The following ZNF280C variants were observed in gnomAD, a reference collection of about 807,000 sequenced individuals.
The protein encoded by ZNF280C is zinc finger protein 280C, also known as suppressor of hairy wing homolog 3.
In ZNF280C, 14 loss-of-function variants were observed where a neutral mutation model predicts 53.6. That is an observed-to-expected ratio of 0.26 (90% CI 0.17 to 0.41). ZNF280C has a LOEUF of 0.41. ZNF280C is among the 10% of genes least tolerant of loss of function. ZNF280C has a pLI of 1.00. For synonymous variants in ZNF280C, 203 were observed against 181.1 expected, an observed-to-expected ratio of 1.12 and a Z score of -0.97; for missense variants, 416 against 547.1, an observed-to-expected ratio of 0.76 and a Z score of 2.39.
chrX:130,262,118 C>A (rs1357678975), intron 1 of ZNF280C, among the ~76,000 whole-genome samples: 2 of 112,119 alleles, frequency 1.8e-5, no homozygotes, highest in Admixed American at 9.5e-5. Flanking sequence ...AGGCCCAATG[C>A]AGCCACCAAA....
At chrX:130,227,624 T>C in intron 11 of ZNF280C, 58 bp downstream of exon 11, 3 of 867,381 alleles carry the variant, frequency 3.5e-6, no homozygotes, top group Non-Finnish European at 5.1e-6. Flanking sequence ...AACAATACTA[T>C]TTCATGGCAC....
intron 5 of ZNF280C, among the ~76,000 whole-genome samples, chrX:130,241,006 T>C (rs1458912511): frequency 2.7e-5 from 3 of 111,940 alleles, no homozygotes; most frequent in African/African-American, 9.7e-5. Flanking sequence ...TCTCACATTT[T>C]ATAAATAGGT....
At chrX:130,223,191 G>C (rs1459750776) in intron 12 of ZNF280C, among the ~76,000 whole-genome samples, 2 of 110,657 alleles carry the variant, frequency 1.8e-5, no homozygotes, top group Non-Finnish European at 3.8e-5. Flanking sequence ...CGAGTAGCTG[G>C]GATTACAGGC....
At position 130,246,920 on chromosome X, in the gene ZNF280C, A is replaced by C; in HGVS notation, c.117T>G (p.Asp39Glu). ...PWQKKVEETQ[D>E]EDDDELIFVG... ...CAAAGATCAGTTCATCGTCATCCTC[A>C]TCCTGAGTTTCTTCTACTTTCTTCT... The change falls in exon 3 of 19, where the codon GAT becomes GAG. Residue 39 changes from aspartate (D) to glutamate (E), a missense_variant. By Grantham distance (45) the Asp-to-Glu change is conservative. Transcript: ENST00000370978. 1 of 1,211,196 alleles carries C rather than the reference A, an allele frequency of 8.3e-7. No individual in the cohort carries two copies.
chrX:130,234,006 A>G (rs1342172726), intron 8 of ZNF280C, among the ~76,000 whole-genome samples: 1 of 111,766 alleles, frequency 8.9e-6, no homozygotes, highest in African/African-American at 3.2e-5. Context: ...CAAAGAAAGC[A>G]TAACAAAGCA....
At chrX:130,243,969 T>C in intron 3 of ZNF280C, 104 bp from the exon 4 acceptor site, 1 of 506,278 alleles carries the variant, frequency 2.0e-6, no homozygotes, top group Non-Finnish European at 3.0e-6. Context: ...AATTGAAGTA[T>C]ATTTCTTTCC....
In ZNF280C at chrX:130,205,011, A is replaced by C. The variant is rs1483290626; in HGVS notation, c.2199-19T>G. The C allele has an allele frequency of 1.0e-5, 11 of 1,053,574 alleles. No individual in the cohort carries two copies. The highest frequency in any genetic ancestry group is 1.4e-5 in the Non-Finnish European group (11 of 813,909). The allele number at this position is 1,053,574 out of a possible 1,213,427, so 86.8% of individuals were successfully genotyped here. On this transcript the variant is annotated intron_variant, in intron 18 of 18. Coordinates refer to ENST00000370978, the MANE Select transcript of ZNF280C (RefSeq NM_017666.5). ...TGAGCAGCTTTAAGAAAAAAAAAAA[A>C]AAACTTTAATATTTTTCATTTATAT...
chrX:130,215,155 A>G, intron 15 of ZNF280C, 38 bp downstream of exon 15: 1 of 1,195,793 alleles, frequency 8.4e-7, no homozygotes, highest in Non-Finnish European at 1.1e-6. Context: ...AATGACCCAA[A>G]TGGAAATTCT....
chrX:130,206,179 T>C (rs940833770), intron 16 of ZNF280C, among the ~76,000 whole-genome samples: 1 of 111,055 alleles, frequency 9.0e-6, no homozygotes, highest in Non-Finnish European at 1.9e-5. Flanking sequence ...GTGTGGATTC[T>C]GCAATCTAGT....
At chrX:130,242,176 G>A (rs1419374301) in intron 5 of ZNF280C, among the ~76,000 whole-genome samples, 1 of 110,270 alleles carries the variant, frequency 9.1e-6, no homozygotes, top group African/African-American at 3.3e-5. Context: ...TTGGGAGGCA[G>A]AGGTTGCAGA....
rs190433009 is a variant in ZNF280C at position 130,227,863 on chromosome X, T to C, written c.1148-81A>G. 58 of 519,290 alleles carry C rather than the reference T, an allele frequency of 1.1e-4. No individual in the cohort carries two copies. The East Asian group carries it at 1.9e-3, about 17-fold the overall frequency. 42.8% of individuals were successfully genotyped at this position (519,290 alleles called of 1,213,427 possible). A position where few individuals can be genotyped will look rare whatever the true frequency, so the allele number is the denominator to read the frequency against. ...CATTTTGTACATCCACAACAAGTAA[T>C]AATAATAGTAGAAGTAACAGTGATG... On this transcript the variant is annotated intron_variant, in intron 10 of 18. Transcript: ENST00000370978.
chrX:130,243,871 A>C lies in ZNF280C; in HGVS notation c.179-6T>G. On this transcript the variant is annotated splice_polypyrimidine_tract_variant and splice_region_variant and intron_variant, in intron 3 of 18. Transcript: ENST00000370978. ...GTGGCCTCTGTTCAAAATATCTATA[A>C]AATTATATTTATTTTAAAATTTGTT... is the stretch of plus-strand genomic sequence containing the variant. 1.9e-6 allele frequency: 2 copies of C among 1,077,637 alleles called. No homozygotes were observed. The highest frequency in any genetic ancestry group is 3.4e-5 in the East Asian group (1 of 29,765). 88.8% of individuals were successfully genotyped at this position (1,077,637 alleles called of 1,213,427 possible).
intron 1 of ZNF280C, among the ~76,000 whole-genome samples, chrX:130,264,008 G>A (rs2032659389): frequency 1.1e-5 from 1 of 88,315 alleles, no homozygotes; most frequent in African/African-American, 4.5e-5. Flanking sequence ...CTGGGAGACA[G>A]AGTGAGACAC....
intron 2 of ZNF280C, among the ~76,000 whole-genome samples, chrX:130,250,205 A>G (rs1427493264): frequency 8.9e-6 from 1 of 111,897 alleles, no homozygotes; most frequent in Non-Finnish European, 1.9e-5. Context: ...TCAATTTAAC[A>G]TCCTACCATG....
At chrX:130,259,761 T>C (rs1246096738) in intron 2 of ZNF280C, among the ~76,000 whole-genome samples, 1 of 97,064 alleles carries the variant, frequency 1.0e-5, no homozygotes, top group African/African-American at 3.9e-5. Context: ...GGGAGGCCGA[T>C]GTGGGTGGAT....
At chrX:130,243,480 C>T (rs1309558900) in intron 5 of ZNF280C, 83 bp downstream of exon 5, 26 of 1,056,148 alleles carry the variant, frequency 2.5e-5, no homozygotes, top group Admixed American at 7.7e-5. Flanking sequence ...CCACTGTGCC[C>T]GGCTGACAGA....
rs1261171669 is a variant in ZNF280C at position 130,222,200 on chromosome X, C to A, written c.1396-1720G>T. Among the ~76,000 whole-genome samples, 13 of 107,898 alleles carry A rather than the reference C, an allele frequency of 1.2e-4. No homozygotes were observed. The South Asian group carries it at 5.4e-3, about 45-fold the overall frequency. 93.7% of individuals were successfully genotyped at this position (107,898 alleles called of 115,157 possible). The stretch of plus-strand genomic sequence containing the variant: ...AACAGAAACCACTCCTTCACCTGAG[C>A]CCTGGCACTCTCTATCTACCTATAT... On this transcript the variant is annotated intron_variant, in intron 12 of 18. Transcript: ENST00000370978.
intron 15 of ZNF280C, among the ~76,000 whole-genome samples, chrX:130,212,652 A>G (rs945867331): frequency 6.4e-5 from 7 of 110,149 alleles, no homozygotes; most frequent in Admixed American, 1.9e-4. Context: ...AATCACAAAG[A>G]GTCAAAAAAT....
Position 130,209,701 on chromosome X carries a change from T to C in ZNF280C, c.1994A>G (p.His665Arg). 1 of 1,205,734 alleles carries C rather than the reference T, an allele frequency of 8.3e-7. No individual in the cohort carries two copies. The highest frequency in any genetic ancestry group is 1.1e-6 in the Non-Finnish European group (1 of 891,477). Residue 665 changes from histidine (H) to arginine (R), a missense_variant, in exon 16 of 19, where the codon CAT (histidine) becomes CGT (arginine). Around this residue, in one of 3 missense-constraint regions of ZNF280C, gnomAD observed 151 missense variants for 176.9 expected, o/e 0.85. Coordinates refer to ENST00000370978, the MANE Select transcript of ZNF280C (RefSeq NM_017666.5). ...VNHMMSSHSN[H>R]PGKRFCIFKK... Reference sequence around the variant, plus strand: ...GAAAATACAAAACCGTTTACCTGGATGGTTGCTATGAGAGCTGGAGAAACA... The same window carrying C: ...GAAAATACAAAACCGTTTACCTGGACGGTTGCTATGAGAGCTGGAGAAACA...
Sources: gnomAD v4.1 joint callset for allele counts (sites outside exome capture counted in the v4.1 genomes callset) on GRCh38, gnomAD v4.1.1 for gene constraint, gnomAD v4.1.1 regional missense constraint, MANE v1.5 for transcripts, NCBI Gene and HGNC (gene_info 2026-07-23, HGNC 2026-07-21) for gene names.